Variants in STOX2 observed in about 807,000 individuals in gnomAD.
STOX2 encodes storkhead box 2.
In STOX2, 28 loss-of-function variants were observed where a neutral mutation model predicts 60.9. That is an observed-to-expected ratio of 0.46 (90% CI 0.34 to 0.63). The LOEUF (loss-of-function observed/expected upper bound fraction) is 0.63, where lower values mean the gene tolerates loss of function less well. Ranked by LOEUF, STOX2 falls within the 30% of genes least tolerant of loss-of-function variation. The probability of loss-of-function intolerance (pLI) is 0.01; values close to 1 mark genes in which losing one functional copy is unlikely to be tolerated. For missense variants in STOX2, 1,024 were observed against 1,187.7 expected (o/e 0.86, Z 2.03); for synonymous variants, 472 against 463.9 (o/e 1.02, Z -0.22).
chr4:184,000,588 G>A (rs749585447), intron 1 of STOX2, among the ~76,000 whole-genome samples: 4 of 151,992 alleles, frequency 2.6e-5, no homozygotes, highest in Non-Finnish European at 4.4e-5. Flanking sequence ...GTCCCCCTTC[G>A]CTTCTGTGCC....
At chr4:183,799,187 G>A (rs1738704320) in intron 1 of STOX2, among the ~76,000 whole-genome samples, 1 of 152,202 alleles carries the variant, frequency 6.6e-6, no homozygotes, top group South Asian at 2.1e-4. Flanking sequence ...TGGCAGAGAA[G>A]AGATCTTTAC....
At chr4:183,939,989 C>T (rs867504093) in intron 1 of STOX2, among the ~76,000 whole-genome samples, 6 of 152,184 alleles carry the variant, frequency 3.9e-5, no homozygotes, top group African/African-American at 7.2e-5. Flanking sequence ...CTGCAGCCTC[C>T]GCCTCCCGGG....
intron 1 of STOX2, among the ~76,000 whole-genome samples, chr4:183,994,326 G>A (rs1206965866): frequency 6.6e-6 from 1 of 152,176 alleles, no homozygotes; most frequent in Non-Finnish European, 1.5e-5. Context: ...AATTTTGGCG[G>A]TGCAGAGAAC....
At chr4:184,013,328 C>T (rs562234083) in intron 3 of STOX2, among the ~76,000 whole-genome samples, 2 of 152,144 alleles carry the variant, frequency 1.3e-5, no homozygotes, top group Non-Finnish European at 2.9e-5. Context: ...ACTTGGGGTG[C>T]AGAATATAGA....
intron 1 of STOX2, among the ~76,000 whole-genome samples, chr4:183,931,830 G>T (rs1742433581): frequency 6.6e-6 from 1 of 152,202 alleles, no homozygotes. Flanking sequence ...ATGCATGAGG[G>T]TAAGGAATTT....
rs571027113 is a variant in STOX2, at chr4:183,865,965, C to T, written c.364+67910C>T. On this transcript the variant is annotated intron_variant, in intron 1 of 2. Transcript: ENST00000513034. The surrounding 1 kb of genome is among the most constrained non-coding windows in gnomAD (Gnocchi z 4.1). ...TAGGAAAAATGGAAGACGGAGTTGA[C>T]ACAGGTGAATAAAATGAGGGTTCCA... Among the ~76,000 whole-genome samples, 2 of 152,148 alleles carry T rather than the reference C, an allele frequency of 1.3e-5. No homozygotes were observed. Among genetic ancestry groups the T allele is most frequent in the East Asian group, 3.9e-4 (2 of 5,168 alleles).
intron 1 of STOX2, among the ~76,000 whole-genome samples, chr4:183,951,074 G>A (rs940889178): frequency 3.9e-5 from 6 of 152,016 alleles, no homozygotes; most frequent in African/African-American, 7.2e-5. Flanking sequence ...AAATTAGCCG[G>A]GCGTGGTGGC....
intron 1 of STOX2, among the ~76,000 whole-genome samples, chr4:183,959,324 A>G (rs1038015151): frequency 2.6e-5 from 4 of 152,104 alleles, no homozygotes; most frequent in African/African-American, 9.7e-5. Context: ...GGTCTAACTC[A>G]GGGCGGAAGG....
intron 1 of STOX2, among the ~76,000 whole-genome samples, chr4:183,956,674 T>C (rs1178941174): frequency 2.6e-5 from 4 of 152,186 alleles, no homozygotes; most frequent in Non-Finnish European, 5.9e-5. Flanking sequence ...AGTGTGCAGT[T>C]AACATTCACG....
intron 1 of STOX2, among the ~76,000 whole-genome samples, chr4:183,940,892 A>T (rs1027894351): frequency 2.0e-5 from 3 of 152,232 alleles, no homozygotes; most frequent in African/African-American, 7.2e-5. Context: ...TTGTCCAATA[A>T]ATATTTGTTG....
chr4:183,847,732 C>A (rs1740019980), intron 1 of STOX2, among the ~76,000 whole-genome samples: 1 of 152,120 alleles, frequency 6.6e-6, no homozygotes, highest in Non-Finnish European at 1.5e-5. Context: ...GTTCACCTGG[C>A]CGCTGTAAAC....
intron 1 of STOX2, among the ~76,000 whole-genome samples, chr4:183,947,797 C>T (rs903057323): frequency 2.6e-5 from 4 of 152,134 alleles, no homozygotes; most frequent in Non-Finnish European, 5.9e-5. Context: ...CTCTGTGTCT[C>T]AATACAATTT....
chr4:183,939,470 G>C (rs1411717510), intron 1 of STOX2, among the ~76,000 whole-genome samples: 2 of 152,168 alleles, frequency 1.3e-5, no homozygotes, highest in African/African-American at 4.8e-5. Flanking sequence ...TTCTCATCTC[G>C]AGTTCCTTAA....
rs377701112 is a variant in STOX2, at chr4:183,964,176, C to G, written c.167-37149C>G. ...GGGTTTCCTAAATGAATTAATGGCA[C>G]AAGGGAGATGATCTGCTTCAGAGAA... On this transcript the variant is annotated intron_variant, in intron 1 of 3. Transcript: ENST00000308497. Among the ~76,000 whole-genome samples, 40 of 152,286 alleles carry G rather than the reference C, an allele frequency of 2.6e-4. No individual in the cohort carries two copies. The South Asian group carries it at 8.1e-3, about 31-fold the overall frequency.
At chr4:183,973,590 A>G (rs1472957624) in intron 1 of STOX2, among the ~76,000 whole-genome samples, 1 of 152,236 alleles carries the variant, frequency 6.6e-6, no homozygotes, top group Non-Finnish European at 1.5e-5. Context: ...TCTAAAAGAA[A>G]TGCTGATAGA....
intron 1 of STOX2, among the ~76,000 whole-genome samples, chr4:183,935,079 C>A (rs759651353): frequency 3.9e-5 from 6 of 152,238 alleles, no homozygotes; most frequent in African/African-American, 9.6e-5. Context: ...GAAAACTCAG[C>A]TTTTATTAAA....
chr4:183,951,809 G>A (rs1430511118), intron 1 of STOX2, among the ~76,000 whole-genome samples: 2 of 152,080 alleles, frequency 1.3e-5, no homozygotes, highest in Admixed American at 6.5e-5. Context: ...TGGGCGTGGT[G>A]GTGCATGCCT....
chr4:183,978,826 G>A (rs1457350414), intron 1 of STOX2, among the ~76,000 whole-genome samples: 1 of 152,184 alleles, frequency 6.6e-6, no homozygotes, highest in East Asian at 1.9e-4. Flanking sequence ...ACATGAAGCA[G>A]TTCTTTGGGG....
intron 1 of STOX2, among the ~76,000 whole-genome samples, chr4:183,844,038 G>A (rs576383663): frequency 3.9e-5 from 6 of 151,924 alleles, no homozygotes; most frequent in Non-Finnish European, 7.4e-5. Context: ...TACCCAATCC[G>A]AATTTCTAAT....
Sources: gnomAD v4.1 joint callset for allele counts (sites outside exome capture counted in the v4.1 genomes callset) on GRCh38, gnomAD v4.1.1 for gene constraint, Gnocchi (gnomAD v3.1) non-coding constraint, MANE v1.5 for transcripts, NCBI Gene and HGNC (gene_info 2026-07-23, HGNC 2026-07-21) for gene names.